GABRG3: variants seen among roughly 807,000 people sequenced by gnomAD.
The protein encoded by GABRG3 is gamma-aminobutyric acid receptor subunit gamma-3.
In GABRG3, 25 loss-of-function variants were observed where a neutral mutation model predicts 48.8. The ratio of observed to expected loss-of-function variants is 0.51; its 90% CI spans 0.37 to 0.72. The LOEUF is 0.72. Among genes scored for constraint, GABRG3 ranks in the 30% least tolerant of loss-of-function variants. The probability of loss-of-function intolerance (pLI) is 0.00; values close to 1 mark genes in which losing one functional copy is unlikely to be tolerated. For synonymous variants in GABRG3, 227 were observed against 217.6 expected, an observed-to-expected ratio of 1.04 and a Z score of -0.38; for missense variants, 394 against 577.9, an observed-to-expected ratio of 0.68 and a Z score of 3.26.
intron 3 of GABRG3, among the ~76,000 whole-genome samples, chr15:27,306,557 AATATAAACATAT>A (rs1328205886): frequency 1.9e-4 from 9 of 48,074 alleles, no homozygotes; most frequent in Non-Finnish European, 5.8e-4. Context: ...AAACATATAT[AATATAAACATAT>A]ATGTTTATAT....
intron 3 of GABRG3, among the ~76,000 whole-genome samples, chr15:27,272,022 G>A (rs1891107634): frequency 6.6e-6 from 1 of 152,192 alleles, no homozygotes; most frequent in African/African-American, 2.4e-5. Context: ...TGGTGCACAG[G>A]CAGTTTGTTC....
intron 3 of GABRG3, among the ~76,000 whole-genome samples, chr15:27,225,173 A>G (rs1889571176): frequency 6.6e-6 from 1 of 152,170 alleles, no homozygotes; most frequent in Non-Finnish European, 1.5e-5. Context: ...TAAAATAATC[A>G]CAATGTAGTA....
rs546896190 is a variant in GABRG3 at position 27,513,314 on chromosome 15, G to C, written c.713-6658G>C. The stretch of plus-strand genomic sequence containing the variant: ...AATACAAAAACATTAGCCAGGCGTG[G>C]TGGTGGGCGCCTGTAGTCCCAGCTA... On this transcript the variant is annotated intron_variant, in intron 6 of 9. Coordinates refer to ENST00000615808, the MANE Select transcript of GABRG3 (RefSeq NM_033223.5). Among the ~76,000 whole-genome samples the C allele has an allele frequency of 1.9e-3, 283 of 152,164 alleles. 2 individuals carry two copies. Among genetic ancestry groups the C allele is most frequent in the African/African-American group, 5.9e-3 (244 of 41,508 alleles).
At chr15:27,181,008 A>G (rs1361680867) in intron 3 of GABRG3, among the ~76,000 whole-genome samples, 2 of 152,202 alleles carry the variant, frequency 1.3e-5, no homozygotes, top group East Asian at 3.9e-4. Context: ...TCACAACTTC[A>G]TGAGATGGCA....
At chr15:27,389,446 A>G (rs1896154170) in intron 5 of GABRG3, among the ~76,000 whole-genome samples, 1 of 152,196 alleles carries the variant, frequency 6.6e-6, no homozygotes, top group Non-Finnish European at 1.5e-5. Context: ...AGCTTTTTCA[A>G]CCAAATTTTG....
intron 3 of GABRG3, among the ~76,000 whole-genome samples, chr15:27,257,352 C>T (rs1388170694): frequency 1.3e-5 from 2 of 152,064 alleles, no homozygotes; most frequent in Non-Finnish European, 2.9e-5. Context: ...TATAGGTTGT[C>T]TCTTTGTTGA....
At chr15:27,120,216 A>G (rs1355571066) in intron 3 of GABRG3, among the ~76,000 whole-genome samples, 2 of 152,188 alleles carry the variant, frequency 1.3e-5, no homozygotes, top group African/African-American at 2.4e-5. Context: ...TTATGTGACC[A>G]GTATCAGTGT....
At chr15:27,077,397 G>T (rs926403419) in intron 3 of GABRG3, among the ~76,000 whole-genome samples, 62 of 152,232 alleles carry the variant, frequency 4.1e-4, no homozygotes, top group African/African-American at 1.3e-3. Context: ...GATCCTTCCA[G>T]CCAGCTGCAT....
At chr15:27,400,838 C>T (rs1048104087) in intron 5 of GABRG3, among the ~76,000 whole-genome samples, 6 of 151,610 alleles carry the variant, frequency 4.0e-5, no homozygotes, top group East Asian at 3.9e-4. Context: ...AGTGTAGGGA[C>T]GTGTGTCCTC....
chr15:27,254,878 G>A (rs1890563594), intron 3 of GABRG3, among the ~76,000 whole-genome samples: 1 of 109,022 alleles, frequency 9.2e-6, no homozygotes, highest in South Asian at 2.9e-4. Flanking sequence ...TTGAGAGAGA[G>A]AGAGACAGAC....
intron 6 of GABRG3, among the ~76,000 whole-genome samples, chr15:27,508,192 C>T (rs185478588): frequency 2.6e-5 from 4 of 152,262 alleles, no homozygotes; most frequent in South Asian, 2.1e-4. Context: ...TATACGATCT[C>T]GCTCTCATTT....
At chr15:27,245,718 A>G (rs1252310911) in intron 3 of GABRG3, among the ~76,000 whole-genome samples, 8 of 152,110 alleles carry the variant, frequency 5.3e-5, no homozygotes, top group African/African-American at 1.9e-4. Context: ...CTAAAACCAC[A>G]AAAAATTAGC....
chr15:27,113,320 C>T (rs1006009407), intron 3 of GABRG3, among the ~76,000 whole-genome samples: 11 of 152,172 alleles, frequency 7.2e-5, no homozygotes, highest in South Asian at 6.2e-4. Context: ...TCTGTTTTTG[C>T]GTTAATTTTT....
At chr15:27,285,254 GGTGTGTGTGTGTGTGTGT>G (rs60880658) in intron 3 of GABRG3, among the ~76,000 whole-genome samples, 12,432 of 142,534 alleles carry the variant, frequency 0.087, 1,239 homozygotes, top group African/African-American at 0.24. Flanking sequence ...TGAGCTTTCA[GGTGTGTGTGTGTGTGTGT>G]GTGTGTGTGT....
intron 5 of GABRG3, among the ~76,000 whole-genome samples, chr15:27,417,233 G>T (rs950188475): frequency 1.3e-5 from 2 of 152,186 alleles, no homozygotes; most frequent in Non-Finnish European, 2.9e-5. Flanking sequence ...AGTGGGTAGA[G>T]CCCAGAGATG....
At chr15:27,433,974 C>T (rs1389717934) in intron 5 of GABRG3, among the ~76,000 whole-genome samples, 1 of 152,186 alleles carries the variant, frequency 6.6e-6, no homozygotes, top group Non-Finnish European at 1.5e-5. Context: ...AAACACAATT[C>T]TTATAGGACT....
intron 5 of GABRG3, among the ~76,000 whole-genome samples, chr15:27,390,377 AT>A (rs1001512956): frequency 4.2e-4 from 64 of 152,124 alleles, no homozygotes; most frequent in African/African-American, 1.4e-3. Flanking sequence ...AAAATTTAAT[AT>A]TTTTTTTCTT....
At chr15:27,013,346 TATTGTG>T (rs2140668740) in intron 2 of GABRG3, among the ~76,000 whole-genome samples, 1 of 152,272 alleles carries the variant, frequency 6.6e-6, no homozygotes, top group South Asian at 2.1e-4. Flanking sequence ...ACGTCTTGGC[TATTGTG>T]ATGTGCAGGA....
intron 3 of GABRG3, among the ~76,000 whole-genome samples, chr15:27,063,166 T>A (rs1896680107): frequency 6.6e-6 from 1 of 152,196 alleles, no homozygotes; most frequent in Non-Finnish European, 1.5e-5. Flanking sequence ...ATTGGAGCCA[T>A]GACAAAAGTG....
Sources: gnomAD v4.1 joint callset for allele counts (sites outside exome capture counted in the v4.1 genomes callset) on GRCh38, gnomAD v4.1.1 for gene constraint, MANE v1.5 for transcripts, NCBI Gene and HGNC (gene_info 2026-07-23, HGNC 2026-07-21) for gene names.